FAM124A: variants seen among roughly 807,000 people sequenced by gnomAD.
The protein encoded by FAM124A is family with sequence similarity 124 member A, also known as protein FAM124A.
A neutral mutation model predicts 24.5 loss-of-function variants in FAM124A; 23 were observed. The observed-to-expected ratio is 0.94, with a 90% confidence interval of 0.68 to 1.33. The LOEUF (loss-of-function observed/expected upper bound fraction) is 1.33. FAM124A is among the 40% of genes most tolerant of loss of function. The probability of loss-of-function intolerance (pLI) is 0.00; values close to 1 mark genes in which losing one functional copy is unlikely to be tolerated. For missense variants in FAM124A, 623 were observed against 722.8 expected (o/e 0.86, Z 1.58); for synonymous variants, 287 against 314.7 (o/e 0.91, Z 0.93).
chr13:51,222,402 G>T lies in FAM124A; in HGVS notation c.-100G>T. 1.0e-5 allele frequency: 11 copies of T among 1,055,590 alleles called. No individual in the cohort carries two copies. The highest frequency in any genetic ancestry group is 1.2e-5 in the Non-Finnish European group (10 of 851,008). The allele number at this position is 1,055,590 out of a possible 1,614,324, so 65.4% of individuals were successfully genotyped here. The stretch of plus-strand genomic sequence containing the variant: ...TTTGCCGGCTCCCGGGCCGCCAGAC[G>T]CTCGGAGGGAGCCCGGCCGGCTCGG... On this transcript the variant is annotated 5_prime_UTR_variant, in exon 1 of 4. Coordinates refer to ENST00000322475, the MANE Select transcript of FAM124A (RefSeq NM_001242312.2).
intron 1 of FAM124A, among the ~76,000 whole-genome samples, chr13:51,225,725 G>T (rs888933231): frequency 6.6e-6 from 1 of 152,160 alleles, no homozygotes; most frequent in African/African-American, 2.4e-5. Flanking sequence ...CAGCGGGGTG[G>T]TGGAGGCAGG....
Position 51,282,492 on chromosome 13 carries a change from G to T in FAM124A, c.*1236G>T, listed in dbSNP as rs1954949352. On this transcript the variant is annotated 3_prime_UTR_variant, in exon 4 of 4. Transcript: ENST00000322475. ...CTCTCACCTCAGTAAGAGTATGTTTGTTTACAGCCCCAACCTCAGCAATGC... is the reference window on the plus strand; with the variant it reads ...CTCTCACCTCAGTAAGAGTATGTTTTTTTACAGCCCCAACCTCAGCAATGC... The T allele has an allele frequency of 6.6e-6, 1 of 152,210 alleles. No individual in the cohort carries two copies. Among genetic ancestry groups the T allele is most frequent in the Non-Finnish European group, 1.5e-5 (1 of 68,050 alleles). 9.4% of individuals were successfully genotyped at this position (152,210 alleles called of 1,614,324 possible). A position where few individuals can be genotyped will look rare whatever the true frequency, so the allele number is the denominator to read the frequency against.
intron 3 of FAM124A, among the ~76,000 whole-genome samples, chr13:51,271,453 CT>C (rs1470805001): frequency 1.3e-5 from 2 of 152,216 alleles, no homozygotes; most frequent in Admixed American, 6.5e-5. Flanking sequence ...ATGAGGGCCC[CT>C]GAACAAGAGA....
chr13:51,247,341 CTG>C (rs923863128), intron 2 of FAM124A, among the ~76,000 whole-genome samples: 29 of 152,248 alleles, frequency 1.9e-4, no homozygotes, highest in Non-Finnish European at 3.7e-4. Context: ...TGCTCATACT[CTG>C]TGTGACCTTG....
At position 51,282,869 on chromosome 13, in the gene FAM124A, T is replaced by C. The variant is rs1325728221; in HGVS notation, c.*1613T>C. ...CTAATTTAAATTTTTAAAAATATAG[T>C]CTCCTAATTCAGGATAAGGAGTAAG... On this transcript the variant is annotated 3_prime_UTR_variant, in exon 4 of 4. Transcript: ENST00000322475. 6.6e-6 allele frequency: 1 copy of C among 152,146 alleles called. No homozygotes were observed. Among genetic ancestry groups the C allele is most frequent in the Non-Finnish European group, 1.5e-5 (1 of 68,016 alleles). 9.4% of individuals were successfully genotyped at this position (152,146 alleles called of 1,614,324 possible).
chr13:51,256,813 C>A (rs1954679905), intron 3 of FAM124A, among the ~76,000 whole-genome samples: 1 of 152,214 alleles, frequency 6.6e-6, no homozygotes, highest in African/African-American at 2.4e-5. Context: ...TCCTGCCAAA[C>A]TGAAAGTCTG....
intron 3 of FAM124A, among the ~76,000 whole-genome samples, chr13:51,279,348 G>A (rs975917634): frequency 6.6e-6 from 1 of 152,070 alleles, no homozygotes; most frequent in Non-Finnish European, 1.5e-5. Flanking sequence ...ATCCCAAAGG[G>A]GTGACTCTCC....
intron 3 of FAM124A, among the ~76,000 whole-genome samples, chr13:51,275,473 T>C (rs1348436029): frequency 6.6e-6 from 1 of 152,220 alleles, no homozygotes; most frequent in African/African-American, 2.4e-5. Flanking sequence ...CATCAAAAGA[T>C]ACCAATAAGA....
In FAM124A at chr13:51,257,036, GAATAATATTC is replaced by G. The variant is rs1954682039; in HGVS notation, c.834+4836_834+4845del. Among the ~76,000 whole-genome samples the G allele has an allele frequency of 3.9e-5, 6 of 152,318 alleles. No individual in the cohort carries two copies. In the South Asian group the frequency reaches 1.2e-3, roughly 32 times the overall value. The stretch of plus-strand genomic sequence containing the variant: ...TCAGAACGTCCTTTCCTTTAAGGCT[GAATAATATTC>G]CATTGCAGGAATATGATAGATTTTT... On this transcript the variant is annotated intron_variant, in intron 3 of 3. Transcript: ENST00000322475.
chr13:51,235,233 C>CT (rs1954423616), intron 2 of FAM124A, among the ~76,000 whole-genome samples: 1 of 152,062 alleles, frequency 6.6e-6, no homozygotes, highest in South Asian at 2.1e-4. Context: ...ATAATACTTG[C>CT]TATGGAAGAT....
At chr13:51,277,692 G>A (rs1247579037) in intron 3 of FAM124A, among the ~76,000 whole-genome samples, 2 of 152,164 alleles carry the variant, frequency 1.3e-5, no homozygotes, top group Non-Finnish European at 2.9e-5. Context: ...TACTCAGGAG[G>A]CTGAGGCAGA....
At chr13:51,225,718 C>T (rs1954308494) in intron 1 of FAM124A, among the ~76,000 whole-genome samples, 3 of 151,820 alleles carry the variant, frequency 2.0e-5, no homozygotes, top group Non-Finnish European at 4.4e-5. Context: ...TATTTCACAG[C>T]GGGGTGGTGG....
chr13:51,222,578 C>T lies in FAM124A; in HGVS notation c.68+9C>T. Reference sequence around the variant, plus strand: ...GGCGCCGAGACCGGAGGGTGAGCCGCGCCGGGCCGGGCCGCGGGCGGGGGG... The same window carrying T: ...GGCGCCGAGACCGGAGGGTGAGCCGTGCCGGGCCGGGCCGCGGGCGGGGGG... On this transcript the variant is annotated intron_variant, in intron 1 of 3. Transcript: ENST00000322475. 1 of 1,224,232 alleles carries T rather than the reference C, an allele frequency of 8.2e-7. No homozygotes were observed. The highest frequency in any genetic ancestry group is 1.0e-6 in the Non-Finnish European group (1 of 984,348). The allele number at this position is 1,224,232 out of a possible 1,614,324, so 75.8% of individuals were successfully genotyped here. A position where few individuals can be genotyped will look rare whatever the true frequency, so the allele number is the denominator to read the frequency against.
chr13:51,233,744 T>G (rs1326686748), intron 2 of FAM124A, among the ~76,000 whole-genome samples: 2 of 152,292 alleles, frequency 1.3e-5, no homozygotes, highest in East Asian at 3.9e-4. Flanking sequence ...TTTTAAAACC[T>G]AAAGTCTTAA....
Position 51,253,686 on chromosome 13 carries a change from T to A in FAM124A, c.834+1485T>A, listed in dbSNP as rs1954648760. On this transcript the variant is annotated intron_variant, in intron 3 of 3. Coordinates refer to ENST00000322475, the MANE Select transcript of FAM124A (RefSeq NM_001242312.2). ...CACTTTTTTCTCCTGATCCTTCTAA[T>A]AAGATAAATAACAGAATGCAGTGTG... The A allele has an allele frequency of 2.6e-5, 4 of 152,214 alleles. 1 individual carries two copies. The highest frequency in any genetic ancestry group is 5.9e-5 in the Non-Finnish European group (4 of 68,032). 9.4% of individuals were successfully genotyped at this position (152,214 alleles called of 1,614,324 possible). A position where few individuals can be genotyped will look rare whatever the true frequency, so the allele number is the denominator to read the frequency against.
chr13:51,267,917 G>C (rs1242403062), intron 3 of FAM124A, among the ~76,000 whole-genome samples: 2 of 152,212 alleles, frequency 1.3e-5, no homozygotes, highest in East Asian at 1.9e-4. Flanking sequence ...CTGTGCACCA[G>C]ATGTCACGAG....
chr13:51,249,210 C>A (rs1170061664), intron 2 of FAM124A, among the ~76,000 whole-genome samples: 1 of 152,188 alleles, frequency 6.6e-6, no homozygotes, highest in East Asian at 1.9e-4. Flanking sequence ...CCTTCAAGAC[C>A]CAGTTCATTT....
At position 51,282,779 on chromosome 13, in the gene FAM124A, C is replaced by A. The variant is rs1841583965; in HGVS notation, c.*1523C>A. On this transcript the variant is annotated 3_prime_UTR_variant, in exon 4 of 4. Transcript: ENST00000322475. ...GTCTTTGCCATCCTTGTAATGACAG[C>A]CTTAGGCCTTGCCCCAAGCATTCTG... The A allele has an allele frequency of 6.6e-6, 1 of 152,184 alleles. No individual in the cohort carries two copies. The highest frequency in any genetic ancestry group is 6.5e-5 in the Admixed American group (1 of 15,282). 9.4% of individuals were successfully genotyped at this position (152,184 alleles called of 1,614,324 possible).
chr13:51,224,459 A>G (rs7336822), intron 1 of FAM124A, among the ~76,000 whole-genome samples: 69,725 of 151,890 alleles, frequency 0.46, 16,763 homozygotes, highest in East Asian at 0.65. Flanking sequence ...CAACAAGAGC[A>G]AAACTCCATC....
Sources: gnomAD v4.1 joint callset for allele counts (sites outside exome capture counted in the v4.1 genomes callset) on GRCh38, gnomAD v4.1.1 for gene constraint, MANE v1.5 for transcripts, NCBI Gene and HGNC (gene_info 2026-07-23, HGNC 2026-07-21) for gene names.